PALLD: variants seen among roughly 807,000 people sequenced by gnomAD.
PALLD encodes palladin, cytoskeletal associated protein, also known as palladin.
Under a neutral mutation model 123.5 loss-of-function variants are expected in PALLD, and 61 were observed. That is an observed-to-expected ratio of 0.49 (90% CI 0.40 to 0.61). The LOEUF (loss-of-function observed/expected upper bound fraction) is 0.61, where lower values mean the gene tolerates loss of function less well. PALLD is among the 20% of genes least tolerant of loss of function. The pLI is 0.00. For missense variants in PALLD, 1,273 were observed against 1,377.0 expected, an observed-to-expected ratio of 0.92 and a Z score of 1.20; for synonymous variants, 465 against 496.4, an observed-to-expected ratio of 0.94 and a Z score of 0.84.
At chr4:168,838,580 A>C (rs1239977844) in intron 10 of PALLD, among the ~76,000 whole-genome samples, 1 of 151,216 alleles carries the variant, frequency 6.6e-6, no homozygotes, top group Non-Finnish European at 1.5e-5. Flanking sequence ...CCATGGTCAA[A>C]TTCTGACTCT....
chr4:168,608,761 T>C (rs1278419601), intron 2 of PALLD, among the ~76,000 whole-genome samples: 1 of 152,076 alleles, frequency 6.6e-6, no homozygotes, highest in East Asian at 1.9e-4. Flanking sequence ...TGGCATTTTT[T>C]AGTATCTGTC....
chr4:168,550,890 A>T (rs1268191036), intron 2 of PALLD, among the ~76,000 whole-genome samples: 1 of 152,228 alleles, frequency 6.6e-6, no homozygotes, highest in Admixed American at 6.5e-5. Flanking sequence ...TTGGAAAAAC[A>T]GTTTCTAACT....
At chr4:168,795,630 T>C (rs2150642125) in intron 10 of PALLD, among the ~76,000 whole-genome samples, 1 of 152,316 alleles carries the variant, frequency 6.6e-6, no homozygotes, top group South Asian at 2.1e-4. Context: ...TATAGAATGT[T>C]CTATTCCCCA....
chr4:168,576,552 C>A (rs560341410), intron 2 of PALLD, among the ~76,000 whole-genome samples: 81 of 152,242 alleles, frequency 5.3e-4, no homozygotes, highest in African/African-American at 1.9e-3. Context: ...CATGTCCCTA[C>A]AAAGGACATG....
intron 2 of PALLD, among the ~76,000 whole-genome samples, chr4:168,522,768 A>C (rs1172179594): frequency 6.6e-6 from 1 of 152,230 alleles, no homozygotes; most frequent in Admixed American, 6.5e-5. Flanking sequence ...AACAATAGAA[A>C]TGGTTCTTTC....
intron 2 of PALLD, among the ~76,000 whole-genome samples, chr4:168,515,369 A>C (rs1239384454): frequency 6.6e-6 from 1 of 152,226 alleles, no homozygotes; most frequent in East Asian, 1.9e-4. Context: ...GTCAGTCCAG[A>C]GGACCTAGGA....
At chr4:168,829,932 T>TA (rs908470784) in intron 10 of PALLD, among the ~76,000 whole-genome samples, 2 of 151,898 alleles carry the variant, frequency 1.3e-5, no homozygotes, top group Non-Finnish European at 2.9e-5. Flanking sequence ...ATTATTAGGT[T>TA]AAAAAAAATA....
At chr4:168,904,070 CT>C (rs1402271027) in intron 15 of PALLD, 164 bp downstream of exon 15, 1 of 684,666 alleles carries the variant, frequency 1.5e-6, no homozygotes, top group Non-Finnish European at 2.6e-6. Context: ...TAGAAAAATT[CT>C]TTGTTTCATG....
intron 2 of PALLD, among the ~76,000 whole-genome samples, chr4:168,529,973 T>G (rs28444596): frequency 0.02 from 3,018 of 152,328 alleles, 106 homozygotes; most frequent in African/African-American, 0.069. Flanking sequence ...TCTATTAGGT[T>G]TCCCACCATT....
At chr4:168,720,400 C>T (rs542368791) in intron 10 of PALLD, among the ~76,000 whole-genome samples, 113 of 152,298 alleles carry the variant, frequency 7.4e-4, no homozygotes, top group Non-Finnish European at 1.3e-3. Flanking sequence ...GAAGGCTAGT[C>T]AAATAACAAA....
chr4:168,641,147 G>A (rs1776903053), intron 2 of PALLD, among the ~76,000 whole-genome samples: 1 of 151,208 alleles, frequency 6.6e-6, no homozygotes, highest in Admixed American at 6.6e-5. Flanking sequence ...GGCGGAGCTT[G>A]TAATGAGCCA....
At chr4:168,856,400 A>G (rs1358237605) in intron 10 of PALLD, among the ~76,000 whole-genome samples, 2 of 152,154 alleles carry the variant, frequency 1.3e-5, no homozygotes, top group Non-Finnish European at 2.9e-5. Context: ...TGGTAGTTCT[A>G]TTTTTAGAAC....
At chr4:168,768,357 T>C (rs1733958392) in intron 10 of PALLD, among the ~76,000 whole-genome samples, 1 of 152,192 alleles carries the variant, frequency 6.6e-6, no homozygotes, top group South Asian at 2.1e-4. Flanking sequence ...GTGCTCTTCT[T>C]TGAATGTTCA....
At chr4:168,873,878 G>C (rs1422299094) in intron 10 of PALLD, among the ~76,000 whole-genome samples, 1 of 152,172 alleles carries the variant, frequency 6.6e-6, no homozygotes, top group African/African-American at 2.4e-5. Flanking sequence ...TCGTGATGAG[G>C]AGAAGGCGGA....
chr4:168,696,010 A>G (rs1251047242), intron 8 of PALLD, among the ~76,000 whole-genome samples: 1 of 151,858 alleles, frequency 6.6e-6, no homozygotes, highest in Non-Finnish European at 1.5e-5. Context: ...CATATAAAAT[A>G]CACTAACACT....
At chr4:168,791,901 T>TA (rs202083706) in intron 10 of PALLD, among the ~76,000 whole-genome samples, 3,559 of 151,696 alleles carry the variant, frequency 0.023, 135 homozygotes, top group African/African-American at 0.08. Flanking sequence ...TAAAATCTTC[T>TA]AAAAAAAAGC....
chr4:168,670,808 G>T (rs540131528), intron 3 of PALLD, among the ~76,000 whole-genome samples: 1 of 145,770 alleles, frequency 6.9e-6, no homozygotes, highest in South Asian at 2.2e-4. Flanking sequence ...CAAAAAAGCT[G>T]GGTGCAATGG....
chr4:168,503,618 G>C (rs953609468), intron 1 of PALLD, among the ~76,000 whole-genome samples: 6 of 147,616 alleles, frequency 4.1e-5, no homozygotes, highest in African/African-American at 1.5e-4. Context: ...CTGCACTCCA[G>C]CCTGGGCAAC....
intron 2 of PALLD, among the ~76,000 whole-genome samples, chr4:168,600,006 T>TAC (rs1772404630): frequency 1.5e-5 from 2 of 129,392 alleles, no homozygotes; most frequent in African/African-American, 5.1e-5. Flanking sequence ...CACACACGTA[T>TAC]ATACATACAT....
Sources: gnomAD v4.1 joint callset for allele counts (sites outside exome capture counted in the v4.1 genomes callset) on GRCh38, gnomAD v4.1.1 for gene constraint, MANE v1.5 for transcripts, NCBI Gene and HGNC (gene_info 2026-07-23, HGNC 2026-07-21) for gene names.